The following BARX2 variants were observed in gnomAD, a reference collection of about 807,000 sequenced individuals.
BARX2 encodes the protein homeobox protein BarH-like 2.
Under a neutral mutation model 25.5 loss-of-function variants are expected in BARX2, and 11 were observed. The observed-to-expected ratio is 0.43, with a 90% CI of 0.27 to 0.71. The LOEUF is 0.71. Ranked by LOEUF, BARX2 falls within the 30% of genes least tolerant of loss-of-function variation. BARX2 has a pLI of 0.19. For missense variants in BARX2, 360 were observed against 359.9 expected (o/e 1.00, Z 0.00); for synonymous variants, 137 against 149.5 (o/e 0.92, Z 0.61).
intron 1 of BARX2, among the ~76,000 whole-genome samples, chr11:129,378,240 A>G (rs1376913781): frequency 6.6e-6 from 1 of 152,228 alleles, no homozygotes; most frequent in Admixed American, 6.5e-5. Context: ...GAGAATTAAA[A>G]TATAGAAACT....
chr11:129,428,300 G>A (rs1414530380), intron 1 of BARX2, among the ~76,000 whole-genome samples: 2 of 152,162 alleles, frequency 1.3e-5, no homozygotes, highest in Admixed American at 1.3e-4. Flanking sequence ...CCCAGTCAAC[G>A]TTTTCACATT....
At position 129,436,604 on chromosome 11, in the gene BARX2, A is replaced by T; in HGVS notation, c.188-147A>T. 1.2e-6 allele frequency: 1 copy of T among 831,068 alleles called. No individual in the cohort carries two copies. Among genetic ancestry groups the T allele is most frequent in the Non-Finnish European group, 1.8e-6 (1 of 540,816 alleles). 51.5% of individuals were successfully genotyped at this position (831,068 alleles called of 1,614,324 possible). A position where few individuals can be genotyped will look rare whatever the true frequency, so the allele number is the denominator to read the frequency against. ...GCCCTGCAGCTGTAGGTCTTGAGTTACCTCTCCTTCCCCTTCCTCCATCTG... is the reference window on the plus strand; with the variant it reads ...GCCCTGCAGCTGTAGGTCTTGAGTTTCCTCTCCTTCCCCTTCCTCCATCTG... On this transcript the variant is annotated intron_variant, in intron 1 of 3. Coordinates refer to ENST00000281437, the MANE Select transcript of BARX2 (RefSeq NM_003658.5). The surrounding 1 kb of genome is among the most constrained non-coding windows in gnomAD (Gnocchi z 4.5).
Position 129,430,069 on chromosome 11 carries a change from T to G in BARX2, c.188-6682T>G, listed in dbSNP as rs978748897. ...GACCACCTCCACAGAGGGCAGCCCT[T>G]GGGAAGGGTAGTTTTTTTCCCCAGT... is the stretch of plus-strand genomic sequence containing the variant. On this transcript the variant is annotated intron_variant, in intron 1 of 3. Coordinates refer to ENST00000281437, the MANE Select transcript of BARX2 (RefSeq NM_003658.5). Among the ~76,000 whole-genome samples, 34 of 152,106 alleles carry G rather than the reference T, an allele frequency of 2.2e-4. 1 individual carries two copies. Among genetic ancestry groups the G allele is most frequent in the Admixed American group, 2.0e-3 (30 of 15,266 alleles).
intron 1 of BARX2, among the ~76,000 whole-genome samples, chr11:129,415,925 G>A (rs1410339036): frequency 2.0e-5 from 3 of 152,184 alleles, no homozygotes; most frequent in East Asian, 1.9e-4. Context: ...TGAGGCTTCC[G>A]ATTGGATCCA....
chr11:129,444,602 A>G (rs1457285538), intron 3 of BARX2, among the ~76,000 whole-genome samples: 1 of 152,194 alleles, frequency 6.6e-6, no homozygotes, highest in Non-Finnish European at 1.5e-5. Context: ...AAGGCCCAGG[A>G]GGTAGCTGCC....
chr11:129,398,928 CTG>C (rs1182266229), intron 1 of BARX2, among the ~76,000 whole-genome samples: 2 of 152,200 alleles, frequency 1.3e-5, no homozygotes, highest in African/African-American at 4.8e-5. Context: ...CTGGGGATAA[CTG>C]TGTTTTGTTC....
At chr11:129,411,196 C>T (rs1861882743) in intron 1 of BARX2, among the ~76,000 whole-genome samples, 1 of 151,894 alleles carries the variant, frequency 6.6e-6, no homozygotes, top group African/African-American at 2.4e-5. Context: ...ATGGTGAAAC[C>T]CCGTCTCTAC....
chr11:129,391,740 G>A (rs1861667790), intron 1 of BARX2, among the ~76,000 whole-genome samples: 1 of 152,166 alleles, frequency 6.6e-6, no homozygotes, highest in African/African-American at 2.4e-5. Flanking sequence ...TTTCTGCACG[G>A]AGAGGGGGGT....
chr11:129,409,005 A>G (rs1208521567), intron 1 of BARX2, among the ~76,000 whole-genome samples: 1 of 152,176 alleles, frequency 6.6e-6, no homozygotes, highest in Non-Finnish European at 1.5e-5. Flanking sequence ...GGGGAGTGAT[A>G]TTCACCATCC....
intron 1 of BARX2, among the ~76,000 whole-genome samples, chr11:129,389,361 C>T (rs760351589): frequency 1.1e-4 from 17 of 152,126 alleles, no homozygotes; most frequent in African/African-American, 3.6e-4. Context: ...TGGGTTACAG[C>T]GACACTAGCT....
intron 1 of BARX2, among the ~76,000 whole-genome samples, chr11:129,380,092 C>T (rs1176875217): frequency 6.6e-6 from 1 of 151,740 alleles, no homozygotes; most frequent in African/African-American, 2.4e-5. Context: ...GTCAGTGCTT[C>T]GTTATAGTTT....
At chr11:129,451,094 G>A in intron 3 of BARX2, 42 bp from the exon 4 acceptor site, 1 of 1,596,258 alleles carries the variant, frequency 6.3e-7, no homozygotes, top group Non-Finnish European at 8.6e-7. Flanking sequence ...TGGAGGGAAG[G>A]AATTATTTCT....
At chr11:129,415,478 A>T (rs1023660234) in intron 1 of BARX2, among the ~76,000 whole-genome samples, 1 of 152,200 alleles carries the variant, frequency 6.6e-6, no homozygotes, top group African/African-American at 2.4e-5. Context: ...GATTTTGGAT[A>T]AGCAATAAGA....
At chr11:129,379,957 T>G (rs1423301302) in intron 1 of BARX2, among the ~76,000 whole-genome samples, 2 of 151,978 alleles carry the variant, frequency 1.3e-5, no homozygotes, top group Admixed American at 6.6e-5. Context: ...TCTGGCAGAA[T>G]GGGTCTGTTG....
chr11:129,391,345 A>G (rs572943901), intron 1 of BARX2, among the ~76,000 whole-genome samples: 3 of 152,342 alleles, frequency 2.0e-5, no homozygotes, highest in African/African-American at 7.2e-5. Flanking sequence ...AACACAGCAC[A>G]TGCACCAGTC....
At chr11:129,429,670 A>G (rs1862107672) in intron 1 of BARX2, among the ~76,000 whole-genome samples, 2 of 152,212 alleles carry the variant, frequency 1.3e-5, no homozygotes, top group Non-Finnish European at 2.9e-5. Flanking sequence ...GAGTGATCCT[A>G]TAATAGGATC....
chr11:129,413,339 G>A (rs1861909253), intron 1 of BARX2, among the ~76,000 whole-genome samples: 1 of 152,226 alleles, frequency 6.6e-6, no homozygotes. Flanking sequence ...TATGGCTCTT[G>A]AGCTGGGCTT....
intron 3 of BARX2, among the ~76,000 whole-genome samples, chr11:129,444,641 T>C (rs1055558060): frequency 6.6e-6 from 1 of 152,168 alleles, no homozygotes; most frequent in East Asian, 1.9e-4. Context: ...TGCTGGTTGT[T>C]ACGGATTTAT....
intron 1 of BARX2, among the ~76,000 whole-genome samples, chr11:129,388,368 T>C (rs1018797183): frequency 5.3e-5 from 8 of 152,132 alleles, no homozygotes; most frequent in Non-Finnish European, 8.8e-5. Context: ...GACTCTCCAC[T>C]CCTCACTGCC....
Sources: gnomAD v4.1 joint callset for allele counts (sites outside exome capture counted in the v4.1 genomes callset) on GRCh38, gnomAD v4.1.1 for gene constraint, Gnocchi (gnomAD v3.1) non-coding constraint, MANE v1.5 for transcripts, NCBI Gene and HGNC (gene_info 2026-07-23, HGNC 2026-07-21) for gene names.